The following SETX variants were observed in gnomAD, a reference collection of about 807,000 sequenced individuals.
SETX encodes helicase senataxin.
A neutral mutation model predicts 227.2 loss-of-function variants in SETX; 90 were observed. The ratio of observed to expected loss-of-function variants is 0.40; its 90% CI spans 0.33 to 0.47. The LOEUF (loss-of-function observed/expected upper bound fraction) is 0.47, where lower values mean the gene tolerates loss of function less well. SETX is among the 20% of genes least tolerant of loss of function. SETX has a pLI of 0.91. For synonymous variants in SETX, 1,210 were observed against 1,113.2 expected, an observed-to-expected ratio of 1.09 and a Z score of -1.73; for missense variants, 3,052 against 3,181.5, an observed-to-expected ratio of 0.96 and a Z score of 0.98.
At chr9:132,305,994 A>AT (rs999180949) in intron 11 of SETX, among the ~76,000 whole-genome samples, 3 of 152,146 alleles carry the variant, frequency 2.0e-5, no homozygotes, top group African/African-American at 4.8e-5. Flanking sequence ...TAATTTTGCA[A>AT]TTTTTTTGAA....
At chr9:132,298,606 C>T (rs762621780) in intron 12 of SETX, among the ~76,000 whole-genome samples, 2 of 151,982 alleles carry the variant, frequency 1.3e-5, no homozygotes, top group South Asian at 2.1e-4. Context: ...TAAGCTGGTC[C>T]GAGAAGGTCT....
At chr9:132,308,417 A>AATCAAT (rs111369902) in intron 11 of SETX, among the ~76,000 whole-genome samples, 12 of 151,394 alleles carry the variant, frequency 7.9e-5, no homozygotes, top group African/African-American at 2.9e-4. Context: ...TATAAAACTA[A>AATCAAT]TTTTTCAACA....
intron 18 of SETX, among the ~76,000 whole-genome samples, chr9:132,285,748 C>T (rs547563121): frequency 6.0e-5 from 9 of 150,580 alleles, no homozygotes; most frequent in Non-Finnish European, 1.3e-4. Context: ...GGCGTGGTGG[C>T]GCACACCTGT....
At chr9:132,355,587 C>T (rs964390888), upstream of SETX, among the ~76,000 whole-genome samples, 2 of 152,220 alleles carry the variant, frequency 1.3e-5, no homozygotes. Context: ...CGCTTCTAAT[C>T]CCACCACTTT....
chr9:132,318,845 G>A (rs1350337188), intron 10 of SETX, among the ~76,000 whole-genome samples: 2 of 152,108 alleles, frequency 1.3e-5, no homozygotes, highest in East Asian at 3.9e-4. Flanking sequence ...AAAAAAGGGG[G>A]AAAACCTAAG....
At position 132,277,008 on chromosome 9, in the gene SETX, TC is replaced by T. The variant is rs1307477082; in HGVS notation, c.6935+51del. On this transcript the variant is annotated intron_variant, in intron 22 of 25. Transcript: ENST00000224140. ...TATTTAACAGAAATATGAATGCAAA[TC>T]ATGTAACAATTCTGGGACTATCAGA... 9.4e-4 allele frequency: 1,347 copies of T among 1,438,296 alleles called. 9 individuals carry two copies. In the African/African-American group the frequency reaches 0.017, roughly 18 times the overall value. The allele number at this position is 1,438,296 out of a possible 1,614,324, so 89.1% of individuals were successfully genotyped here.
Position 132,334,639 on chromosome 9 carries a change from C to T in SETX, c.807G>A (p.Ser269=), listed in dbSNP as rs147677608. The T allele has an allele frequency of 7.1e-5, 114 of 1,613,998 alleles. No homozygotes were observed. Among genetic ancestry groups the T allele is most frequent in the Non-Finnish European group, 8.6e-5 (102 of 1,179,916 alleles). ...GSDKQNDFMQ[S]ILHTMEREAD... is the part of the protein sequence containing the mutation. The stretch of plus-strand genomic sequence containing the variant: ...CTTCCCTCTCCATAGTGTGAAGTAT[C>T]GATTGCATAAAATCATTTTGTTTGT... The change falls in exon 7 of 26, where the codon TCG becomes TCA. Residue 269 remains serine (S), a synonymous_variant. Coordinates refer to ENST00000224140, the MANE Select transcript of SETX (RefSeq NM_015046.7).
intron 25 of SETX, among the ~76,000 whole-genome samples, chr9:132,268,684 T>A (rs576352513): frequency 6.6e-6 from 1 of 152,162 alleles, no homozygotes; most frequent in Non-Finnish European, 1.5e-5. Context: ...TATTTAAGAG[T>A]GATGTAATAA....
chr9:132,276,523 T>C (rs1210251644), intron 22 of SETX, among the ~76,000 whole-genome samples: 2 of 152,210 alleles, frequency 1.3e-5, no homozygotes, highest in African/African-American at 2.4e-5. Context: ...CAACAAATGC[T>C]GCCCCTAGAC....
chr9:132,307,188 G>A (rs955800211), intron 11 of SETX, among the ~76,000 whole-genome samples: 4 of 152,198 alleles, frequency 2.6e-5, no homozygotes, highest in Non-Finnish European at 5.9e-5. Flanking sequence ...TCGGGAGACA[G>A]AAGTTGCAGT....
chr9:132,281,726 A>C, intron 19 of SETX, 152 bp from the exon 20 acceptor site: 1 of 695,638 alleles, frequency 1.4e-6, no homozygotes, highest in Admixed American at 2.2e-5. Flanking sequence ...AAACAAAAAA[A>C]CAAAACAAAA....
intron 4 of SETX, among the ~76,000 whole-genome samples, chr9:132,345,854 T>C (rs1433385379): frequency 2.0e-5 from 3 of 151,940 alleles, no homozygotes; most frequent in Middle Eastern, 3.2e-3. Flanking sequence ...ATCTCTACAA[T>C]AAACACAACA....
At chr9:132,309,459 C>G (rs746079911) in intron 11 of SETX, among the ~76,000 whole-genome samples, 4 of 152,058 alleles carry the variant, frequency 2.6e-5, no homozygotes, top group Non-Finnish European at 4.4e-5. Context: ...AAAAGGGGTT[C>G]CCAAATTTCC....
intron 10 of SETX, among the ~76,000 whole-genome samples, chr9:132,320,298 G>A (rs1277261237): frequency 9.9e-5 from 15 of 152,066 alleles, no homozygotes; most frequent in African/African-American, 2.7e-4. Context: ...AGTCTAGGCC[G>A]GGCGCAGTGG....
intron 11 of SETX, among the ~76,000 whole-genome samples, chr9:132,306,584 T>C (rs995687367): frequency 6.6e-6 from 1 of 152,248 alleles, no homozygotes; most frequent in African/African-American, 2.4e-5. Flanking sequence ...ATTTAAAATA[T>C]AATTAGGTTC....
Position 132,327,322 on chromosome 9 carries a change from CTTTTA to C in SETX, c.4271_4275del (p.Ile1424SerfsTer9). The stretch of plus-strand genomic sequence containing the variant: ...TCAGTTGCTGGAGACCCATGTTTTG[CTTTTA>C]TGGTTTCTGGTTCAGAAGGCATGCA... On this transcript the variant is annotated frameshift_variant, in exon 10 of 26. Transcript: ENST00000224140. LOFTEE classifies it high-confidence loss of function. The C allele has an allele frequency of 6.2e-7, 1 of 1,614,188 alleles. No individual in the cohort carries two copies. The highest frequency in any genetic ancestry group is 8.5e-7 in the Non-Finnish European group (1 of 1,180,022).
intron 10 of SETX, among the ~76,000 whole-genome samples, chr9:132,324,994 G>A (rs1448566565): frequency 6.6e-6 from 1 of 152,172 alleles, no homozygotes; most frequent in Non-Finnish European, 1.5e-5. Flanking sequence ...GAGTAAGGAG[G>A]AGAGAAGAAC....
chr9:132,356,358 C>A (rs1848913455), upstream of SETX, among the ~76,000 whole-genome samples: 1 of 151,986 alleles, frequency 6.6e-6, no homozygotes, highest in African/African-American at 2.4e-5. Flanking sequence ...GTGTGCCACA[C>A]GCCCGGCTAA....
In SETX at chr9:132,317,314, A is replaced by G. The variant is rs986951979; in HGVS notation, c.5275-5458T>C. Among the ~76,000 whole-genome samples, 3 of 151,748 alleles carry G rather than the reference A, an allele frequency of 2.0e-5. 1 individual carries two copies. Among genetic ancestry groups the G allele is most frequent in the African/African-American group, 7.3e-5 (3 of 41,024 alleles). Reference sequence around the variant, plus strand: ...ATGGATGCTGCTGGGGTTTCTGTGTAGGTCATCTGCAAATGATCAGAATCG... The same window carrying G: ...ATGGATGCTGCTGGGGTTTCTGTGTGGGTCATCTGCAAATGATCAGAATCG... On this transcript the variant is annotated intron_variant, in intron 10 of 25. Coordinates refer to ENST00000224140, the MANE Select transcript of SETX (RefSeq NM_015046.7).
Sources: allele counts gnomAD v4.1 joint callset (sites outside exome capture counted in the v4.1 genomes callset), GRCh38; gene constraint gnomAD v4.1.1; transcripts MANE v1.5; gene names NCBI Gene and HGNC (gene_info 2026-07-23, HGNC 2026-07-21).